The following SDE2 variants were observed in gnomAD, a reference collection of about 807,000 sequenced individuals.
The protein encoded by SDE2 is splicing regulator SDE2.
In SDE2, 31 loss-of-function variants were observed where a neutral mutation model predicts 46.9. The ratio of observed to expected loss-of-function variants is 0.66; its 90% CI spans 0.50 to 0.89. The LOEUF (loss-of-function observed/expected upper bound fraction) is 0.89. SDE2 is among the 40% of genes least tolerant of loss of function. The pLI is 0.00. For synonymous variants in SDE2, 205 were observed against 204.3 expected (o/e 1.00, Z -0.03); for missense variants, 542 against 564.4 (o/e 0.96, Z 0.40).
intron 2 of SDE2, among the ~76,000 whole-genome samples, chr1:225,994,445 C>T (rs1040861928): frequency 6.6e-6 from 1 of 152,208 alleles, no homozygotes; most frequent in Admixed American, 6.5e-5. Context: ...CTCTGAAAAC[C>T]AAACCAAATC....
chr1:225,988,188 T>C lies in SDE2; in HGVS notation c.842A>G (p.Gln281Arg). 1 of 1,614,152 alleles carries C rather than the reference T, an allele frequency of 6.2e-7. No homozygotes were observed. The highest frequency in any genetic ancestry group is 8.5e-7 in the Non-Finnish European group (1 of 1,179,976). ...AGAGTCAGTCACCGGGATCTGCAGT[T>C]GTTCTGGTGATCCATGGTCTGTATT... The part of the protein sequence containing the change: ...VVNTDHGSPE[Q>R]LQIPVTDSGR... Residue 281 changes from glutamine to arginine, a missense_variant, in exon 6 of 7, where the codon CAA becomes CGA. Physicochemically the swap from Gln to Arg is conservative, Grantham distance 43. This residue lies in a region of SDE2 where 401 missense variants were observed against 437.8 expected (regional missense o/e 0.92). Transcript: ENST00000272091.
At position 225,985,371 on chromosome 1, in the gene SDE2, G is replaced by A. The variant is rs765309494; in HGVS notation, c.1287C>T (p.Val429=). ...CAATTTGCTCCTTTGCCAGTCCTCT[G>A]ACAGAGAAGAGTCTTGCTGCCCGCT... ...LQERAARLFS[V]RGLAKEQIDP... The change falls in exon 7 of 7, where the codon GTC becomes GTT. Residue 429 remains valine, a synonymous_variant. Coordinates refer to ENST00000272091, the MANE Select transcript of SDE2 (RefSeq NM_152608.4). 1.2e-6 allele frequency: 2 copies of A among 1,614,176 alleles called. No homozygotes were observed. Among genetic ancestry groups the A allele is most frequent in the South Asian group, 2.2e-5 (2 of 91,076 alleles).
chr1:225,998,098 A>C (rs1656572122), intron 1 of SDE2, among the ~76,000 whole-genome samples: 1 of 151,994 alleles, frequency 6.6e-6, no homozygotes, highest in South Asian at 2.1e-4. Flanking sequence ...ATTGCACTCC[A>C]GCCCGGGCAA....
At chr1:225,992,015 C>T (rs1004272289) in intron 4 of SDE2, among the ~76,000 whole-genome samples, 2 of 152,080 alleles carry the variant, frequency 1.3e-5, no homozygotes, top group Non-Finnish European at 2.9e-5. Context: ...CCTGACTGTA[C>T]TAAAAATATG....
intron 2 of SDE2, among the ~76,000 whole-genome samples, chr1:225,994,242 A>G (rs924592559): frequency 1.3e-5 from 2 of 152,072 alleles, no homozygotes; most frequent in Admixed American, 6.6e-5. Flanking sequence ...ACACCTGGCT[A>G]ATTTTTATAT....
chr1:225,986,903 C>T lies in SDE2; in HGVS notation c.1134+993G>A, dbSNP rs904973063. 2.6e-5 allele frequency among the ~76,000 whole-genome samples: 4 copies of T among 152,202 alleles called. No homozygotes were observed. In the South Asian group the frequency reaches 6.2e-4, roughly 24 times the overall value. On this transcript the variant is annotated intron_variant, in intron 6 of 6. Transcript: ENST00000272091. ...AACAAATGGTAGGTTTTGTGTTTAT[C>T]GAAGGAAATTAAGTAGTTTAGGTTT...
chr1:225,991,380 A>C lies in SDE2; in HGVS notation c.521-17T>G. The stretch of plus-strand genomic sequence containing the variant: ...CCTGCATACCTAACCAGAAATTTTA[A>C]CAACTCAGTTTCTACTATAGGGACT... On this transcript the variant is annotated splice_polypyrimidine_tract_variant and intron_variant, in intron 4 of 6. Coordinates refer to ENST00000272091, the MANE Select transcript of SDE2 (RefSeq NM_152608.4). The C allele has an allele frequency of 6.2e-7, 1 of 1,609,464 alleles. No homozygotes were observed.
At position 225,985,626 on chromosome 1, in the gene SDE2, C is replaced by T. The variant is rs141934754; in HGVS notation, c.1135-103G>A. The T allele has an allele frequency of 3.0e-4, 219 of 719,544 alleles. 1 individual carries two copies. In the African/African-American group the frequency reaches 3.4e-3, roughly 11 times the overall value. The allele number at this position is 719,544 out of a possible 1,614,324, so 44.6% of individuals were successfully genotyped here. On this transcript the variant is annotated intron_variant, in intron 6 of 6. Coordinates refer to ENST00000272091, the MANE Select transcript of SDE2 (RefSeq NM_152608.4). ...TCTTGAGAAATTTTCATTTAATTTGCCATACCTTGCAACTGAATTTTAATC... is the reference window on the plus strand; with the variant it reads ...TCTTGAGAAATTTTCATTTAATTTGTCATACCTTGCAACTGAATTTTAATC...
intron 5 of SDE2, among the ~76,000 whole-genome samples, chr1:225,989,628 CAA>C (rs564387010): frequency 2.5e-4 from 19 of 76,026 alleles, no homozygotes; most frequent in East Asian, 3.3e-4. Flanking sequence ...GATTCTGTCT[CAA>C]AAAAAAAAAA....
In SDE2 at chr1:225,987,880, C is replaced by T; in HGVS notation, c.1134+16G>A. ...AACTGATTTGGCTCTAGGTATCAAC[C>T]CCAAAACATACTTACTGCGTTTCCT... On this transcript the variant is annotated intron_variant, in intron 6 of 6. Transcript: ENST00000272091. The T allele has an allele frequency of 6.2e-7, 1 of 1,601,472 alleles. No individual in the cohort carries two copies. The highest frequency in any genetic ancestry group is 1.1e-5 in the South Asian group (1 of 88,744).
At chr1:225,995,990 T>C (rs1576177914) in intron 1 of SDE2, among the ~76,000 whole-genome samples, 2 of 152,206 alleles carry the variant, frequency 1.3e-5, no homozygotes, top group East Asian at 3.8e-4. Flanking sequence ...AGCAGTCCTG[T>C]AACCCAGTAA....
intron 2 of SDE2, among the ~76,000 whole-genome samples, chr1:225,993,783 G>A (rs1352932039): frequency 6.6e-6 from 1 of 152,154 alleles, no homozygotes; most frequent in East Asian, 1.9e-4. Flanking sequence ...TCCCCCCTAA[G>A]AGATGGGGCC....
At chr1:225,993,103 TCTA>T (rs937020592) in intron 2 of SDE2, 101 bp from the exon 3 acceptor site, 1 of 495,132 alleles carries the variant, frequency 2.0e-6, no homozygotes, top group Non-Finnish European at 3.5e-6. Flanking sequence ...AACAATGATC[TCTA>T]CTTTCTTTCT....
At chr1:225,992,098 G>A (rs570575487) in intron 4 of SDE2, among the ~76,000 whole-genome samples, 5 of 152,100 alleles carry the variant, frequency 3.3e-5, no homozygotes, top group South Asian at 4.2e-4. Flanking sequence ...AGAATTGCTC[G>A]AACCCAGGAG....
intron 6 of SDE2, 106 bp from the exon 7 acceptor site, chr1:225,985,629 T>A: frequency 1.4e-6 from 1 of 708,974 alleles, no homozygotes. Context: ...TAATTTGCCA[T>A]ACCTTGCAAC....
intron 1 of SDE2, among the ~76,000 whole-genome samples, chr1:225,996,981 G>C (rs999973800): frequency 6.6e-6 from 1 of 152,166 alleles, no homozygotes; most frequent in Non-Finnish European, 1.5e-5. Flanking sequence ...GAGTGGGAAG[G>C]TTCCCTCTTA....
intron 1 of SDE2, 24 bp from the exon 2 acceptor site, chr1:225,995,407 A>ATGCCTTTTATGAGATAATAATCTAAG: frequency 8.5e-7 from 1 of 1,173,606 alleles, no homozygotes; most frequent in Non-Finnish European, 1.3e-6. Context: ...TGTTTTTTTA[A>ATGCCTTTTATGAGATAATAATCTAAG]TGCCTTTTAT....
chr1:225,988,986 G>A (rs1656331501), intron 5 of SDE2, among the ~76,000 whole-genome samples: 1 of 152,008 alleles, frequency 6.6e-6, no homozygotes, highest in African/African-American at 2.4e-5. Flanking sequence ...TACCTTCGAC[G>A]GTTGGAAATT....
In SDE2 at chr1:225,992,880, G is replaced by A. The variant is rs995838496; in HGVS notation, c.350+11C>T. 2.7e-6 allele frequency: 4 copies of A among 1,492,438 alleles called. No homozygotes were observed. Among genetic ancestry groups the A allele is most frequent in the Non-Finnish European group, 3.7e-6 (4 of 1,069,690 alleles). 92.4% of individuals were successfully genotyped at this position (1,492,438 alleles called of 1,614,324 possible). A position where few individuals can be genotyped will look rare whatever the true frequency, so the allele number is the denominator to read the frequency against. ...TCTCCTCAAAAACACAAAAAAAGGTGGGCATCTTACGCTTTTTCATGATTG... is the reference window on the plus strand; with the variant it reads ...TCTCCTCAAAAACACAAAAAAAGGTAGGCATCTTACGCTTTTTCATGATTG... On this transcript the variant is annotated intron_variant, in intron 3 of 6. Coordinates refer to ENST00000272091, the MANE Select transcript of SDE2 (RefSeq NM_152608.4).
Sources: gnomAD v4.1 joint callset for allele counts (sites outside exome capture counted in the v4.1 genomes callset) on GRCh38, gnomAD v4.1.1 for gene constraint, gnomAD v4.1.1 regional missense constraint, MANE v1.5 for transcripts, NCBI Gene and HGNC (gene_info 2026-07-23, HGNC 2026-07-21) for gene names.